LRFN2: variants seen among roughly 807,000 people sequenced by gnomAD.
The protein encoded by LRFN2 is leucine-rich repeat and fibronectin type-III domain-containing protein 2.
LRFN2 carries 18 observed loss-of-function variants against 37.3 expected under a neutral mutation model. That is an observed-to-expected ratio of 0.48 (90% CI 0.33 to 0.72). The LOEUF (loss-of-function observed/expected upper bound fraction) is 0.72. Among genes scored for constraint, LRFN2 ranks in the 30% least tolerant of loss-of-function variants. LRFN2 has a pLI of 0.02. For synonymous variants in LRFN2, 556 were observed against 466.6 expected, an observed-to-expected ratio of 1.19 and a Z score of -2.47; for missense variants, 1,006 against 1,060.7, an observed-to-expected ratio of 0.95 and a Z score of 0.72.
At chr6:40,418,740 C>T (rs1763152248) in intron 2 of LRFN2, among the ~76,000 whole-genome samples, 1 of 152,192 alleles carries the variant, frequency 6.6e-6, no homozygotes, top group Non-Finnish European at 1.5e-5. Context: ...GAGTCCTCAT[C>T]TGTCAAGTGG....
At chr6:40,520,899 G>T (rs1581773827) in intron 1 of LRFN2, among the ~76,000 whole-genome samples, 1 of 151,976 alleles carries the variant, frequency 6.6e-6, no homozygotes, top group Non-Finnish European at 1.5e-5. Context: ...CCAGGAGCAG[G>T]GTGGAAACAT....
intron 1 of LRFN2, among the ~76,000 whole-genome samples, chr6:40,537,395 C>T (rs1766469386): frequency 6.6e-6 from 1 of 152,316 alleles, no homozygotes; most frequent in African/African-American, 2.4e-5. Flanking sequence ...ACAGGTTCTG[C>T]GTGTGCCCCC....
intron 1 of LRFN2, among the ~76,000 whole-genome samples, chr6:40,440,692 T>A (rs923765808): frequency 4.6e-5 from 7 of 152,050 alleles, no homozygotes; most frequent in Non-Finnish European, 1.0e-4. Flanking sequence ...GATAAATACC[T>A]CAACATCCTC....
At chr6:40,578,495 A>G (rs902676155) in intron 1 of LRFN2, among the ~76,000 whole-genome samples, 2 of 152,212 alleles carry the variant, frequency 1.3e-5, no homozygotes, top group African/African-American at 2.4e-5. Flanking sequence ...CATAATGTCT[A>G]TGCTGACTGC....
rs205508 is a variant in LRFN2, at chr6:40,536,329, G to T, written c.-19+50612C>A. Among the ~76,000 whole-genome samples, 316 of 152,316 alleles carry T rather than the reference G, an allele frequency of 2.1e-3. 2 individuals carry two copies. The highest frequency in any genetic ancestry group is 7.3e-3 in the African/African-American group (303 of 41,566). ...CAGGGAGCCCCAGTCTGAATGGGAA[G>T]AAATAATCCCTACTTTCTAGGTACT... On this transcript the variant is annotated intron_variant, in intron 1 of 2. Coordinates refer to ENST00000338305, the MANE Select transcript of LRFN2 (RefSeq NM_020737.3).
At chr6:40,575,746 C>T (rs577819865) in intron 1 of LRFN2, among the ~76,000 whole-genome samples, 7 of 152,192 alleles carry the variant, frequency 4.6e-5, no homozygotes, top group East Asian at 1.9e-4. Flanking sequence ...GATCACAGCA[C>T]GTGACAGCAT....
intron 1 of LRFN2, among the ~76,000 whole-genome samples, chr6:40,540,889 T>C (rs994868856): frequency 2.0e-5 from 3 of 152,120 alleles, no homozygotes; most frequent in Non-Finnish European, 4.4e-5. Flanking sequence ...CTTTCCCAGC[T>C]TGCTCTCAGG....
At chr6:40,480,676 G>T (rs1486519292) in intron 1 of LRFN2, among the ~76,000 whole-genome samples, 1 of 152,098 alleles carries the variant, frequency 6.6e-6, no homozygotes, top group Admixed American at 6.6e-5. Context: ...TTGCTGTGTG[G>T]CTTTAAATGA....
chr6:40,456,830 G>C (rs774475732), intron 1 of LRFN2, among the ~76,000 whole-genome samples: 8 of 152,094 alleles, frequency 5.3e-5, no homozygotes, highest in Non-Finnish European at 1.0e-4. Flanking sequence ...ATGCTCCTTG[G>C]GTCAAGGACA....
intron 1 of LRFN2, among the ~76,000 whole-genome samples, chr6:40,538,154 A>C (rs1010411624): frequency 1.3e-5 from 2 of 152,202 alleles, no homozygotes; most frequent in Non-Finnish European, 2.9e-5. Flanking sequence ...TATTTGTTTC[A>C]TTAGGAGTTA....
chr6:40,479,466 G>C (rs1012739268), intron 1 of LRFN2, among the ~76,000 whole-genome samples: 1 of 152,176 alleles, frequency 6.6e-6, no homozygotes, highest in African/African-American at 2.4e-5. Flanking sequence ...TTCCTTATCA[G>C]TAAAATGGGG....
rs543358029 is a variant in LRFN2, at chr6:40,432,476, G to A, written c.638C>T (p.Pro213Leu). 6.2e-7 allele frequency: 1 copy of A among 1,614,218 alleles called. No homozygotes were observed. Among genetic ancestry groups the A allele is most frequent in the Non-Finnish European group, 8.5e-7 (1 of 1,180,048 alleles). Residue 213 changes from proline (P) to leucine (L), a missense_variant, in exon 2 of 3, where the codon CCC becomes CTC. Coordinates refer to ENST00000338305, the MANE Select transcript of LRFN2 (RefSeq NM_020737.3). ...DLTSNRLQKL[P>L]PDPIFARSQA... Reference sequence around the variant, plus strand: ...GGAGCGGGCAAAGATGGGATCAGGGGGCAGCTTCTGCAGCCGATTGGAGGT... The same window carrying A: ...GGAGCGGGCAAAGATGGGATCAGGGAGCAGCTTCTGCAGCCGATTGGAGGT...
At chr6:40,540,221 T>A (rs940458536) in intron 1 of LRFN2, among the ~76,000 whole-genome samples, 6 of 152,290 alleles carry the variant, frequency 3.9e-5, no homozygotes, top group African/African-American at 1.2e-4. Context: ...ACTCAAAGTG[T>A]CACTGCAAAT....
intron 1 of LRFN2, among the ~76,000 whole-genome samples, chr6:40,561,680 C>T (rs754154036): frequency 2.6e-5 from 4 of 152,310 alleles, no homozygotes; most frequent in South Asian, 2.1e-4. Context: ...CATGGAAAAG[C>T]TGACATAAAA....
At chr6:40,583,384 C>T (rs1561916313) in intron 1 of LRFN2, among the ~76,000 whole-genome samples, 2 of 152,116 alleles carry the variant, frequency 1.3e-5, no homozygotes, top group African/African-American at 4.8e-5. Flanking sequence ...ACCACAACTG[C>T]CCTGTTTCTG....
chr6:40,564,316 A>C (rs1767051403), intron 1 of LRFN2, among the ~76,000 whole-genome samples: 1 of 152,170 alleles, frequency 6.6e-6, no homozygotes, highest in Non-Finnish European at 1.5e-5. Flanking sequence ...ACCAACACTG[A>C]TTGAGGACCT....
chr6:40,496,637 G>A (rs901617455), intron 1 of LRFN2, among the ~76,000 whole-genome samples: 6 of 151,984 alleles, frequency 3.9e-5, no homozygotes, highest in African/African-American at 1.4e-4. Flanking sequence ...CCTCAGAGAG[G>A]CCTCTCAAAG....
chr6:40,522,728 C>G (rs1317936057), intron 1 of LRFN2, among the ~76,000 whole-genome samples: 1 of 152,162 alleles, frequency 6.6e-6, no homozygotes, highest in Non-Finnish European at 1.5e-5. Flanking sequence ...CCTGGGAGCA[C>G]AACAGTTTGA....
intron 1 of LRFN2, among the ~76,000 whole-genome samples, chr6:40,489,361 G>T (rs1286535054): frequency 6.6e-6 from 1 of 152,228 alleles, no homozygotes; most frequent in Non-Finnish European, 1.5e-5. Flanking sequence ...TCCACAGATG[G>T]CGAAACTGAG....
Sources: allele counts gnomAD v4.1 joint callset (sites outside exome capture counted in the v4.1 genomes callset), GRCh38; gene constraint gnomAD v4.1.1; transcripts MANE v1.5; gene names NCBI Gene and HGNC (gene_info 2026-07-23, HGNC 2026-07-21).